Variants in CHRNB4 observed in about 807,000 individuals in gnomAD.
The protein encoded by CHRNB4 is neuronal acetylcholine receptor subunit beta-4.
CHRNB4 carries 23 observed loss-of-function variants against 40.4 expected under a neutral mutation model. That is an observed-to-expected ratio of 0.57 (90% confidence interval 0.41 to 0.81). CHRNB4 has a LOEUF of 0.81. Ranked by LOEUF, CHRNB4 falls within the 30% of genes least tolerant of loss-of-function variation. CHRNB4 has a pLI of 0.00. For missense variants in CHRNB4, 568 were observed against 670.6 expected (o/e 0.85, Z 1.69); for synonymous variants, 285 against 274.4 (o/e 1.04, Z -0.38).
intron 2 of CHRNB4, among the ~76,000 whole-genome samples, chr15:78,631,758 G>A (rs1434432524): frequency 1.3e-5 from 2 of 152,148 alleles, no homozygotes; most frequent in African/African-American, 2.4e-5. Context: ...GTCCTGGCCT[G>A]CCTTTAGTCT....
At chr15:78,661,321 G>A (rs1466717928), upstream of CHRNB4, 1 of 583,750 alleles carries the variant, frequency 1.7e-6, no homozygotes, top group South Asian at 1.4e-5. Flanking sequence ...ACACCTTCAG[G>A]TTGAGAACCT....
chr15:78,644,225 T>C (rs1478043863), upstream of CHRNB4, among the ~76,000 whole-genome samples: 1 of 151,350 alleles, frequency 6.6e-6, no homozygotes, highest in Non-Finnish European at 1.5e-5. Context: ...TAGCAAAATA[T>C]ACGTAAGGCC....
chr15:78,646,013 T>C (rs998005256), upstream of CHRNB4, among the ~76,000 whole-genome samples: 1 of 151,354 alleles, frequency 6.6e-6, no homozygotes, highest in Admixed American at 6.6e-5. Context: ...TGAGCCAAGA[T>C]TGTGCCACTG....
Position 78,635,616 on chromosome 15 carries a change from G to A in CHRNB4, c.56-29C>T, listed in dbSNP as rs778964345. 4.3e-6 allele frequency: 7 copies of A among 1,612,514 alleles called. No individual in the cohort carries two copies. In the East Asian group the frequency reaches 8.9e-5, roughly 21 times the overall value. ...AGAAAACACACAGTCAGACCTGCTG[G>A]GCCCTTGTGCACCTGACCCCCACTG... On this transcript the variant is annotated intron_variant, in intron 1 of 5. Coordinates refer to ENST00000261751, the MANE Select transcript of CHRNB4 (RefSeq NM_000750.5).
At chr15:78,652,633 C>T (rs544398989) in exon 6 of CHRNB4, 11 of 152,352 alleles carry the variant, frequency 7.2e-5, no homozygotes, top group African/African-American at 2.2e-4. Flanking sequence ...TGAGTTTCCT[C>T]CACGGCACTT....
chr15:78,647,782 T>C (rs1049481850), intron 7 of CHRNB4, among the ~76,000 whole-genome samples: 100 of 127,654 alleles, frequency 7.8e-4, no homozygotes, highest in Non-Finnish European at 1.1e-3. Context: ...ATGGCATGAA[T>C]CCAGGAGGCG....
rs755389315 is a variant in CHRNB4 at position 78,635,424 on chromosome 15, G to T, written c.204+15C>A. The T allele has an allele frequency of 1.2e-6, 2 of 1,612,316 alleles. No homozygotes were observed. The highest frequency in any genetic ancestry group is 1.7e-6 in the Non-Finnish European group (2 of 1,179,536). On this transcript the variant is annotated intron_variant, in intron 2 of 5. Coordinates refer to ENST00000261751, the MANE Select transcript of CHRNB4 (RefSeq NM_000750.5). ...CTCCACCTGAGCCTGAGCCACAGCT[G>T]CCCTCTGCACCTACCACGCTGATAA... is the stretch of plus-strand genomic sequence containing the variant.
chr15:78,642,042 C>T (rs1254763092), upstream of CHRNB4, among the ~76,000 whole-genome samples: 6 of 152,158 alleles, frequency 3.9e-5, no homozygotes, highest in Admixed American at 2.6e-4. Context: ...CCCTAACAGG[C>T]AAATCTGACA....
chr15:78,660,987 CCTCTCTTT>C (rs143548793), upstream of CHRNB4: 7,137 of 477,270 alleles, frequency 0.015, 402 homozygotes, highest in African/African-American at 0.13. Context: ...TTCTTTCTTT[CCTCTCTTT>C]CTCTCTTCTT....
chr15:78,631,031 C>T (rs949511652), intron 4 of CHRNB4, 45 bp downstream of exon 4: 2 of 1,502,006 alleles, frequency 1.3e-6, no homozygotes, highest in Non-Finnish European at 1.9e-6. Flanking sequence ...GGGCCTGCTG[C>T]CCTGGCCTGG....
chr15:78,653,091 C>T (rs915595655), intron 5 of CHRNB4, among the ~76,000 whole-genome samples: 3 of 152,186 alleles, frequency 2.0e-5, no homozygotes, highest in Non-Finnish European at 2.9e-5. Flanking sequence ...CAGCAGATAG[C>T]ACACCACCCC....
chr15:78,641,068 A>C lies in CHRNB4; in HGVS notation c.55+11T>G. The C allele has an allele frequency of 6.4e-7, 1 of 1,573,142 alleles. No homozygotes were observed. ...CAGGCGCCCCTCCCTCCTTCCCCGA[A>C]AAGAACTCACCGCGCCCGCAAAGGG... is the stretch of plus-strand genomic sequence containing the variant. On this transcript the variant is annotated intron_variant, in intron 1 of 5. Transcript: ENST00000261751.
Position 78,626,384 on chromosome 15 carries a change from G to GTGTGTGTGTGTGTGTGTGTGTT in CHRNB4, c.1339-1094_1339-1093insAACACACACACACACACACACA, listed in dbSNP as rs35851650. ...TGTGTGTGTGTGTGTGTGTGTGTGT[G>GTGTGTGTGTGTGTGTGTGTGTT]TTTCCCCCTTTTAATATTTTTGTGC... On this transcript the variant is annotated intron_variant, in intron 5 of 5. Transcript: ENST00000261751. The GTGTGTGTGTGTGTGTGTGTGTT allele has an allele frequency of 1.7e-3, 145 of 86,966 alleles. 1 individual carries two copies. The highest frequency in any genetic ancestry group is 4.8e-3 in the African/African-American group (123 of 25,834). The allele number at this position is 86,966 out of a possible 1,614,324, so 5.4% of individuals were successfully genotyped here.
At chr15:78,656,234 G>C (rs530401929) in exon 4 of CHRNB4, 1 of 151,868 alleles carries the variant, frequency 6.6e-6, no homozygotes, top group African/African-American at 2.4e-5. Flanking sequence ...CTACTTGGGA[G>C]GCTGAGGCAG....
intron 6 of CHRNB4, among the ~76,000 whole-genome samples, chr15:78,651,467 G>T (rs1382631192): frequency 6.6e-6 from 1 of 152,194 alleles, no homozygotes; most frequent in Non-Finnish European, 1.5e-5. Flanking sequence ...ATCCACAGAT[G>T]TGGGAGCTCT....
Position 78,629,185 on chromosome 15 carries a change from C to T in CHRNB4, c.1120G>A (p.Ala374Thr), listed in dbSNP as rs199844639. Residue 374 changes from alanine (A) to threonine (T), a missense_variant, in exon 5 of 6, where the codon GCC becomes ACC. Coordinates refer to ENST00000261751, the MANE Select transcript of CHRNB4 (RefSeq NM_000750.5). This position sits in a 1 kb window ranked among gnomAD's most constrained non-coding sequence, Gnocchi z 6.8. ...AAGTTGGAGGGGCTGGTGGAGGTGG[C>T]GGTGGCCTCGGGCTTGGTCACGCAT... ...KSCVTKPEAT[A>T]TSTSPSNFYG... The T allele has an allele frequency of 1.4e-5, 22 of 1,613,850 alleles. No individual in the cohort carries two copies. The highest frequency in any genetic ancestry group is 5.0e-5 in the Admixed American group (3 of 59,986).
In CHRNB4 at chr15:78,640,976, C is replaced by A. The variant is rs899361214; in HGVS notation, c.55+103G>T. 12 of 1,309,682 alleles carry A rather than the reference C, an allele frequency of 9.2e-6. No homozygotes were observed. The African/African-American group carries it at 1.7e-4, about 18-fold the overall frequency. 81.1% of individuals were successfully genotyped at this position (1,309,682 alleles called of 1,614,324 possible). A position where few individuals can be genotyped will look rare whatever the true frequency, so the allele number is the denominator to read the frequency against. On this transcript the variant is annotated intron_variant, in intron 1 of 5. Transcript: ENST00000261751. ...CTGGCCGGGACAATCTCGGGCCACT[C>A]CCCCGGGCGCAGGGCACCCTCCCTT...
chr15:78,659,799 G>A (rs185667908), intron 1 of CHRNB4, among the ~76,000 whole-genome samples: 50 of 152,286 alleles, frequency 3.3e-4, no homozygotes, highest in African/African-American at 8.9e-4. Flanking sequence ...TTTTAAGCAG[G>A]GAGTGATGTG....
upstream of CHRNB4, among the ~76,000 whole-genome samples, chr15:78,645,346 T>A (rs2054114311): frequency 6.6e-6 from 1 of 152,196 alleles, no homozygotes; most frequent in Non-Finnish European, 1.5e-5. Flanking sequence ...TGACCAACCC[T>A]GGTGCCTCCC....
Sources: gnomAD v4.1 joint callset for allele counts (sites outside exome capture counted in the v4.1 genomes callset) on GRCh38, gnomAD v4.1.1 for gene constraint, Gnocchi (gnomAD v3.1) non-coding constraint, MANE v1.5 for transcripts, NCBI Gene and HGNC (gene_info 2026-07-23, HGNC 2026-07-21) for gene names.